The following GHR variants were observed in gnomAD, a reference collection of about 807,000 sequenced individuals.
GHR encodes the protein growth hormone receptor, also known as GH receptor.
GHR carries 35 observed loss-of-function variants against 67.1 expected under a neutral mutation model. The observed-to-expected ratio is 0.52, with a 90% confidence interval of 0.40 to 0.69. GHR has a LOEUF of 0.69. Ranked by LOEUF, GHR falls within the 30% of genes least tolerant of loss-of-function variation. The pLI, the probability that GHR is intolerant of heterozygous loss-of-function variation, is 0.00. For synonymous variants in GHR, 272 were observed against 269.1 expected, an observed-to-expected ratio of 1.01 and a Z score of -0.10; for missense variants, 792 against 764.6, an observed-to-expected ratio of 1.04 and a Z score of -0.42.
chr5:42,555,120 A>C (rs1355528765), intron 1 of GHR, among the ~76,000 whole-genome samples: 1 of 152,208 alleles, frequency 6.6e-6, no homozygotes, highest in Non-Finnish European at 1.5e-5. Flanking sequence ...AGTCTGGCCA[A>C]ATAGACTTCT....
chr5:42,426,252 A>T (rs1196390068), intron 1 of GHR, among the ~76,000 whole-genome samples: 1 of 152,222 alleles, frequency 6.6e-6, no homozygotes, highest in Non-Finnish European at 1.5e-5. Context: ...AAGTGCATGA[A>T]GCAAATCTTG....
chr5:42,665,132 A>C (rs979362335), intron 3 of GHR, among the ~76,000 whole-genome samples: 2 of 152,234 alleles, frequency 1.3e-5, no homozygotes, highest in African/African-American at 4.8e-5. Context: ...AAATAGGAAC[A>C]CTTTTACACT....
rs1235906634 is a variant in GHR, at chr5:42,718,696, A to C, written c.1189A>C (p.Thr397Pro). 2 of 1,614,060 alleles carry C rather than the reference A, an allele frequency of 1.2e-6. No individual in the cohort carries two copies. The highest frequency in any genetic ancestry group is 1.7e-6 in the Non-Finnish European group (2 of 1,180,034). ...CTGTTGTGAACCTGACATTCTGGAG[A>C]CTGATTTCAATGCCAATGACATACA... is the stretch of plus-strand genomic sequence containing the variant. ...TSCCEPDILETDFNANDIHEG... is the reference protein window; with the variant it reads ...TSCCEPDILEPDFNANDIHEG... Residue 397 changes from threonine (T) to proline (P), a missense_variant, in exon 10 of 10, where the codon ACT becomes CCT. Coordinates refer to ENST00000230882, the MANE Select transcript of GHR (RefSeq NM_000163.5).
chr5:42,610,099 G>A (rs1348299086), intron 2 of GHR, among the ~76,000 whole-genome samples: 1 of 152,128 alleles, frequency 6.6e-6, no homozygotes, highest in East Asian at 1.9e-4. Flanking sequence ...AGAAGGGAAA[G>A]GAAATTTCTA....
At chr5:42,551,541 G>C (rs371880863) in intron 1 of GHR, among the ~76,000 whole-genome samples, 45 of 152,206 alleles carry the variant, frequency 3.0e-4, no homozygotes, top group African/African-American at 1.1e-3. Flanking sequence ...GGAGAATGCA[G>C]AGGTAGAATC....
chr5:42,551,342 G>A (rs942292340), intron 1 of GHR, among the ~76,000 whole-genome samples: 2 of 152,224 alleles, frequency 1.3e-5, no homozygotes, highest in Non-Finnish European at 1.5e-5. Flanking sequence ...CTAAGTTGCG[G>A]TGGGGAGTCT....
chr5:42,672,832 T>G (rs998962847), intron 3 of GHR, among the ~76,000 whole-genome samples: 1 of 152,076 alleles, frequency 6.6e-6, no homozygotes, highest in Non-Finnish European at 1.5e-5. Flanking sequence ...TAAGAAAACC[T>G]AGGAAACACC....
At chr5:42,479,700 T>C (rs1745521020) in intron 1 of GHR, among the ~76,000 whole-genome samples, 1 of 152,228 alleles carries the variant, frequency 6.6e-6, no homozygotes, top group African/African-American at 2.4e-5. Flanking sequence ...TCTCTGATGG[T>C]AGTTTGTATT....
chr5:42,720,265 G>T lies in GHR; in HGVS notation c.*841G>T, dbSNP rs1293943135. 4 of 152,104 alleles carry T rather than the reference G, an allele frequency of 2.6e-5. No individual in the cohort carries two copies. The highest frequency in any genetic ancestry group is 9.7e-5 in the African/African-American group (4 of 41,420). The allele number at this position is 152,104 out of a possible 1,614,324, so 9.4% of individuals were successfully genotyped here. ...TAGAAAACTTTAAAGCGTTTGCACAGATCAACTTACCAGGCACCAAAAGAA... is the reference window on the plus strand; with the variant it reads ...TAGAAAACTTTAAAGCGTTTGCACATATCAACTTACCAGGCACCAAAAGAA... On this transcript the variant is annotated 3_prime_UTR_variant, in exon 10 of 10. Coordinates refer to ENST00000230882, the MANE Select transcript of GHR (RefSeq NM_000163.5).
intron 1 of GHR, among the ~76,000 whole-genome samples, chr5:42,541,649 G>A (rs1166537729): frequency 1.3e-5 from 2 of 152,122 alleles, no homozygotes; most frequent in African/African-American, 2.4e-5. Flanking sequence ...AAAGCAGGTA[G>A]GCCATTAAGA....
At chr5:42,452,551 G>C (rs112147446) in intron 1 of GHR, among the ~76,000 whole-genome samples, 7 of 152,028 alleles carry the variant, frequency 4.6e-5, no homozygotes, top group African/African-American at 1.7e-4. Context: ...AGGTTTGACT[G>C]TTTAATATAG....
chr5:42,468,404 A>G (rs1190202137), intron 1 of GHR: 2 of 1,182,372 alleles, frequency 1.7e-6, no homozygotes, highest in Non-Finnish European at 1.2e-6. Flanking sequence ...TATGTTTCAA[A>G]AGCTTCTTCT....
At chr5:42,496,979 G>A (rs1037857763) in intron 1 of GHR, among the ~76,000 whole-genome samples, 4 of 152,174 alleles carry the variant, frequency 2.6e-5, no homozygotes, top group African/African-American at 9.7e-5. Flanking sequence ...CCAGTATTCA[G>A]TGCTCTTGGG....
chr5:42,664,900 A>G (rs1313528247), intron 3 of GHR, among the ~76,000 whole-genome samples: 1 of 152,236 alleles, frequency 6.6e-6, no homozygotes, highest in Non-Finnish European at 1.5e-5. Context: ...ATCTACAGGA[A>G]AAAAACAAAC....
rs141589284 is a variant in GHR, at chr5:42,460,209, T to C, written c.-12+36254T>C. Among the ~76,000 whole-genome samples, 215 of 152,336 alleles carry C rather than the reference T, an allele frequency of 1.4e-3. 2 individuals carry two copies. Among genetic ancestry groups the C allele is most frequent in the Non-Finnish European group, 2.5e-3 (170 of 68,036 alleles). On this transcript the variant is annotated intron_variant, in intron 1 of 9. Transcript: ENST00000230882. ...ACTTAAGTGTCTGGCACCTTGATCG[T>C]GGACTTCCCGACCTCCAGAACTGTG... is the stretch of plus-strand genomic sequence containing the variant.
chr5:42,437,361 A>G (rs2111933616), intron 1 of GHR, among the ~76,000 whole-genome samples: 2 of 152,308 alleles, frequency 1.3e-5, no homozygotes, highest in Admixed American at 1.3e-4. Context: ...GAAGATTTGC[A>G]AACTATGCTT....
At chr5:42,587,683 G>T (rs72754937) in intron 2 of GHR, among the ~76,000 whole-genome samples, 6,261 of 148,722 alleles carry the variant, frequency 0.042, 188 homozygotes, top group Middle Eastern at 0.075. Flanking sequence ...TTTTTTTTTT[G>T]TTTTTTTAAG....
At chr5:42,641,059 G>A (rs2112788952) in intron 3 of GHR, among the ~76,000 whole-genome samples, 1 of 152,256 alleles carries the variant, frequency 6.6e-6, no homozygotes, top group Non-Finnish European at 1.5e-5. Context: ...ACTCAGGGCT[G>A]CCCTTAGTCA....
At chr5:42,614,042 G>T (rs115447102) in intron 2 of GHR, among the ~76,000 whole-genome samples, 1 of 152,058 alleles carries the variant, frequency 6.6e-6, no homozygotes, top group East Asian at 1.9e-4. Flanking sequence ...GACCTGAACC[G>T]AATGCTGGCC....
Sources: allele counts gnomAD v4.1 joint callset (sites outside exome capture counted in the v4.1 genomes callset), GRCh38; gene constraint gnomAD v4.1.1; transcripts MANE v1.5; gene names NCBI Gene and HGNC (gene_info 2026-07-23, HGNC 2026-07-21).